The following GUCY1A1 variants were observed in gnomAD, a reference collection of about 807,000 sequenced individuals.
GUCY1A1 encodes guanylate cyclase 1 soluble subunit alpha 1.
GUCY1A1 carries 48 observed loss-of-function variants against 64.5 expected under a neutral mutation model. That is an observed-to-expected ratio of 0.74 (90% CI 0.59 to 0.95). GUCY1A1 has a LOEUF of 0.95. Among genes scored for constraint, GUCY1A1 ranks in the 40% least tolerant of loss-of-function variants. GUCY1A1 has a pLI of 0.00. For missense variants in GUCY1A1, 804 were observed against 825.3 expected, an observed-to-expected ratio of 0.97 and a Z score of 0.32; for synonymous variants, 308 against 303.4, an observed-to-expected ratio of 1.02 and a Z score of -0.16.
chr4:155,684,005 G>C (rs1434140844), intron 2 of GUCY1A1, among the ~76,000 whole-genome samples: 5 of 152,116 alleles, frequency 3.3e-5, no homozygotes, highest in African/African-American at 1.2e-4. Context: ...ACTGAAGTCT[G>C]CACTCTGTCA....
intron 2 of GUCY1A1, among the ~76,000 whole-genome samples, chr4:155,690,237 G>A (rs985240192): frequency 3.3e-5 from 5 of 152,128 alleles, no homozygotes; most frequent in African/African-American, 9.7e-5. Context: ...ATATTGAGAA[G>A]TAAAGTCAGA....
rs3500 is a variant in GUCY1A1, at chr4:155,736,981, C to T, written c.*6750C>T. 8.6e-5 allele frequency: 13 copies of T among 151,980 alleles called. No homozygotes were observed. The East Asian group carries it at 2.5e-3, about 29-fold the overall frequency. 9.4% of individuals were successfully genotyped at this position (151,980 alleles called of 1,614,324 possible). ...AGTCTATGAGAATGTTACCTCCTGT[C>T]TCAGAAGCTTGTTAGTTATTGTGCC... is the stretch of plus-strand genomic sequence containing the variant. On this transcript the variant is annotated 3_prime_UTR_variant, in exon 10 of 10. Coordinates refer to ENST00000506455, the MANE Select transcript of GUCY1A1 (RefSeq NM_001130682.3).
intron 3 of GUCY1A1, among the ~76,000 whole-genome samples, chr4:155,700,565 G>A (rs570176606): frequency 6.6e-6 from 1 of 152,254 alleles, no homozygotes; most frequent in South Asian, 2.1e-4. Context: ...TGTGGCAAAA[G>A]TACTTGTTTT....
At chr4:155,672,265 C>T (rs1734252879) in intron 2 of GUCY1A1, among the ~76,000 whole-genome samples, 1 of 152,128 alleles carries the variant, frequency 6.6e-6, no homozygotes, top group Non-Finnish European at 1.5e-5. Context: ...GAGGAATTAA[C>T]AGATTTGATC....
intron 2 of GUCY1A1, among the ~76,000 whole-genome samples, chr4:155,683,764 T>C (rs371148270): frequency 5.3e-5 from 8 of 152,336 alleles, no homozygotes; most frequent in African/African-American, 1.7e-4. Context: ...GGTAATCTTC[T>C]GATTGGTCTG....
intron 2 of GUCY1A1, among the ~76,000 whole-genome samples, chr4:155,683,266 G>A (rs867786308): frequency 1.5e-4 from 23 of 151,634 alleles, no homozygotes; most frequent in Admixed American, 5.3e-4. Context: ...GAATATATAG[G>A]AAAACAAAAA....
At chr4:155,690,453 C>T (rs1426446794) in intron 2 of GUCY1A1, among the ~76,000 whole-genome samples, 1 of 152,188 alleles carries the variant, frequency 6.6e-6, no homozygotes, top group Non-Finnish European at 1.5e-5. Context: ...GTCTAATTCA[C>T]TTACTCTCTT....
rs746871426 is a variant in GUCY1A1, at chr4:155,710,910, A to T, written c.745A>T (p.Asn249Tyr). ...CCATAATGATTGCAGCGAGTTTGTG[A>T]ATCAGCCCTACTTGTTGTACTCCGT... Reference protein sequence around the residue: ...CFHNDCSEFVNQPYLLYSVHM... With the variant: ...CFHNDCSEFVYQPYLLYSVHM... The change falls in exon 6 of 10, where the codon AAT (asparagine) becomes TAT (tyrosine). Residue 249 changes from asparagine to tyrosine, a missense_variant. Coordinates refer to ENST00000506455, the MANE Select transcript of GUCY1A1 (RefSeq NM_001130682.3). The T allele has an allele frequency of 1.2e-6, 2 of 1,614,090 alleles. No homozygotes were observed. The highest frequency in any genetic ancestry group is 2.2e-5 in the South Asian group (2 of 91,074).
intron 6 of GUCY1A1, 89 bp from the exon 7 acceptor site, chr4:155,713,009 T>A: frequency 9.0e-7 from 1 of 1,112,564 alleles, no homozygotes; most frequent in Non-Finnish European, 1.3e-6. Context: ...ACACAAAGGG[T>A]TTATTACTGT....
chr4:155,730,243 C>T lies in GUCY1A1; in HGVS notation c.*12C>T, dbSNP rs374946109. The T allele has an allele frequency of 1.3e-6, 2 of 1,528,270 alleles. No individual in the cohort carries two copies. Among genetic ancestry groups the T allele is most frequent in the East Asian group, 2.3e-5 (1 of 44,374 alleles). The allele number at this position is 1,528,270 out of a possible 1,614,324, so 94.7% of individuals were successfully genotyped here. On this transcript the variant is annotated 3_prime_UTR_variant, in exon 10 of 10. Coordinates refer to ENST00000506455, the MANE Select transcript of GUCY1A1 (RefSeq NM_001130682.3). ...CAGGAATAGATTAGCAACCTATATA[C>T]CTATTTATAAGTCTTTGGGGTTTGA...
chr4:155,734,202 G>A lies in GUCY1A1; in HGVS notation c.*3971G>A, dbSNP rs1735840863. On this transcript the variant is annotated 3_prime_UTR_variant, in exon 10 of 10. Transcript: ENST00000506455. ...ATGAAAGAGATGAATAAACAAGAGT[G>A]TCTAGTCTAACTAGTGCCTGAGGAA... Among the ~76,000 whole-genome samples, 1 of 151,886 alleles carries A rather than the reference G, an allele frequency of 6.6e-6. No individual in the cohort carries two copies. The highest frequency in any genetic ancestry group is 6.6e-5 in the Admixed American group (1 of 15,222).
chr4:155,717,364 C>T (rs1352899186), intron 8 of GUCY1A1, 62 bp downstream of exon 8: 5 of 1,244,634 alleles, frequency 4.0e-6, no homozygotes, highest in Non-Finnish European at 5.4e-6. Context: ...AGTTGATTAC[C>T]AAAACCATGG....
rs1382266006 is a variant in GUCY1A1, at chr4:155,731,234, A to G, written c.*1003A>G. 1 of 151,908 alleles carries G rather than the reference A, an allele frequency of 6.6e-6. No individual in the cohort carries two copies. The highest frequency in any genetic ancestry group is 2.4e-5 in the African/African-American group (1 of 41,430). 9.4% of individuals were successfully genotyped at this position (151,908 alleles called of 1,614,324 possible). A position where few individuals can be genotyped will look rare whatever the true frequency, so the allele number is the denominator to read the frequency against. On this transcript the variant is annotated 3_prime_UTR_variant, in exon 10 of 10. Transcript: ENST00000506455. ...CTTCTATTGCCATGCTGAGCTGTTTAAAGTTTTAAGAAGAAAATCTAAGTA... is the reference window on the plus strand; with the variant it reads ...CTTCTATTGCCATGCTGAGCTGTTTGAAGTTTTAAGAAGAAAATCTAAGTA...
At chr4:155,682,422 A>T (rs930864438) in intron 2 of GUCY1A1, among the ~76,000 whole-genome samples, 35 of 152,268 alleles carry the variant, frequency 2.3e-4, no homozygotes, top group African/African-American at 8.4e-4. Flanking sequence ...CATGCCTGTA[A>T]TTCCAGCACT....
At position 155,737,056 on chromosome 4, in the gene GUCY1A1, A is replaced by G. The variant is rs1006718680; in HGVS notation, c.*6825A>G. Reference sequence around the variant, plus strand: ...TTAAATAAAAATCTTCTTAAAATTTAAAATGAGTTATGTTTAAAAAGAAAA... The same window carrying G: ...TTAAATAAAAATCTTCTTAAAATTTGAAATGAGTTATGTTTAAAAAGAAAA... On this transcript the variant is annotated 3_prime_UTR_variant, in exon 10 of 10. Transcript: ENST00000506455. 2.6e-5 allele frequency: 4 copies of G among 152,028 alleles called. No homozygotes were observed. The highest frequency in any genetic ancestry group is 9.7e-5 in the African/African-American group (4 of 41,430). The allele number at this position is 152,028 out of a possible 1,614,324, so 9.4% of individuals were successfully genotyped here. A position where few individuals can be genotyped will look rare whatever the true frequency, so the allele number is the denominator to read the frequency against.
In GUCY1A1 at chr4:155,730,246, AT is replaced by A; in HGVS notation, c.*18del. 6.6e-7 allele frequency: 1 copy of A among 1,519,708 alleles called. No homozygotes were observed. Among genetic ancestry groups the A allele is most frequent in the Non-Finnish European group, 9.1e-7 (1 of 1,095,366 alleles). 94.1% of individuals were successfully genotyped at this position (1,519,708 alleles called of 1,614,324 possible). A position where few individuals can be genotyped will look rare whatever the true frequency, so the allele number is the denominator to read the frequency against. On this transcript the variant is annotated 3_prime_UTR_variant, in exon 10 of 10. Coordinates refer to ENST00000506455, the MANE Select transcript of GUCY1A1 (RefSeq NM_001130682.3). ...GAATAGATTAGCAACCTATATACCT[AT>A]TTATAAGTCTTTGGGGTTTGACTCA...
At chr4:155,687,021 G>A (rs1441719640) in intron 2 of GUCY1A1, among the ~76,000 whole-genome samples, 1 of 152,008 alleles carries the variant, frequency 6.6e-6, no homozygotes, top group Non-Finnish European at 1.5e-5. Flanking sequence ...ATATTTGTAG[G>A]ATAATGAGCA....
chr4:155,673,552 T>A (rs980020649), intron 2 of GUCY1A1, among the ~76,000 whole-genome samples: 9 of 151,344 alleles, frequency 5.9e-5, no homozygotes, highest in African/African-American at 2.2e-4. Context: ...ACCTGTAGGA[T>A]TTAAATGTGG....
intron 3 of GUCY1A1, among the ~76,000 whole-genome samples, chr4:155,697,548 T>C (rs1365319985): frequency 2.0e-5 from 3 of 152,214 alleles, no homozygotes; most frequent in Non-Finnish European, 4.4e-5. Flanking sequence ...CTTCAAAGAA[T>C]AACTTATTTT....
Sources: gnomAD v4.1 joint callset for allele counts (sites outside exome capture counted in the v4.1 genomes callset) on GRCh38, gnomAD v4.1.1 for gene constraint, MANE v1.5 for transcripts, NCBI Gene and HGNC (gene_info 2026-07-23, HGNC 2026-07-21) for gene names.